LRRC53: variants seen among roughly 807,000 people sequenced by gnomAD.
The protein encoded by LRRC53 is leucine-rich repeat-containing protein 53.
Under a neutral mutation model 13.6 loss-of-function variants are expected in LRRC53, and 25 were observed. The observed-to-expected ratio is 1.83, with a 90% CI of 1.34 to 2.56. The LOEUF is 2.56. LRRC53 is among the 30% of genes most tolerant of loss of function. LRRC53 has a pLI of 0.00. For synonymous variants in LRRC53, 204 were observed against 109.8 expected, an observed-to-expected ratio of 1.86 and a Z score of -5.37; for missense variants, 527 against 275.8, an observed-to-expected ratio of 1.91 and a Z score of -6.45.
Position 74,475,438 on chromosome 1 carries a change from G to T in LRRC53, c.1277C>A (p.Ser426Ter). The change falls in exon 4 of 5, where the codon TCA (serine) becomes TAA (stop). Residue 426 changes from serine to a stop codon, truncating the protein, a stop_gained. Coordinates refer to ENST00000294635, the MANE Select transcript of LRRC53 (RefSeq NM_001382280.1). LOFTEE classifies it high-confidence loss of function. ...AGCTCTCATATTTCCAGGAGGCTCTGAACATTCCGAATGCAGCAATCTACC... is the reference window on the plus strand; with the variant it reads ...AGCTCTCATATTTCCAGGAGGCTCTTAACATTCCGAATGCAGCAATCTACC... The part of the protein sequence containing the change: ...QDGRLLHSEC[S>*]EPPGNMRAFN... 1 of 717,162 alleles carries T rather than the reference G, an allele frequency of 1.4e-6. No individual in the cohort carries two copies. The highest frequency in any genetic ancestry group is 1.5e-5 in the South Asian group (1 of 67,572). 44.4% of individuals were successfully genotyped at this position (717,162 alleles called of 1,614,324 possible).
Position 74,489,628 on chromosome 1 carries a change from C to T in LRRC53, c.-26-6253G>A, listed in dbSNP as rs45489693. On this transcript the variant is annotated intron_variant, in intron 1 of 4. Coordinates refer to ENST00000294635, the MANE Select transcript of LRRC53 (RefSeq NM_001382280.1). Reference sequence around the variant, plus strand: ...AGCCATTGTTCATTTACATTCAATGCGAAAAGAAAAATTATCAATAAAATA... The same window carrying T: ...AGCCATTGTTCATTTACATTCAATGTGAAAAGAAAAATTATCAATAAAATA... 5.3e-5 allele frequency among the ~76,000 whole-genome samples: 8 copies of T among 152,048 alleles called. 1 individual carries two copies. Among genetic ancestry groups the T allele is most frequent in the South Asian group, 2.1e-4 (1 of 4,806 alleles).
At chr1:74,511,045 G>A (rs184445808) in intron 1 of LRRC53, among the ~76,000 whole-genome samples, 18 of 151,660 alleles carry the variant, frequency 1.2e-4, no homozygotes, top group Non-Finnish European at 1.8e-4. Context: ...CTGCCACCAT[G>A]CCCAGCTAAT....
intron 1 of LRRC53, among the ~76,000 whole-genome samples, chr1:74,484,253 T>C (rs1668644519): frequency 6.6e-6 from 1 of 150,616 alleles, no homozygotes. Flanking sequence ...TAAAACCCTC[T>C]ACCTATATAA....
chr1:74,516,034 A>G (rs1646343125), upstream of LRRC53, among the ~76,000 whole-genome samples: 1 of 152,206 alleles, frequency 6.6e-6, no homozygotes, highest in Non-Finnish European at 1.5e-5. Flanking sequence ...CTAGAGGGGA[A>G]GGAAAGGACA....
chr1:74,528,619 G>C, the LRRC53 span, among the ~76,000 whole-genome samples: 3 of 152,204 alleles, frequency 2.0e-5, no homozygotes, highest in African/African-American at 7.2e-5. Context: ...TGAATATGGA[G>C]AGAATGAAAA....
chr1:74,506,671 C>T (rs192236261), intron 1 of LRRC53, among the ~76,000 whole-genome samples: 27 of 152,274 alleles, frequency 1.8e-4, no homozygotes, highest in Admixed American at 1.3e-3. Context: ...CCGGACCTGC[C>T]GAATCTGCAT....
intron 1 of LRRC53, among the ~76,000 whole-genome samples, chr1:74,488,797 A>G (rs1668893615): frequency 6.6e-6 from 1 of 152,208 alleles, no homozygotes; most frequent in African/African-American, 2.4e-5. Context: ...TTATAAATCT[A>G]GCCTTAGCAG....
chr1:74,485,227 G>C (rs979725945), intron 1 of LRRC53, among the ~76,000 whole-genome samples: 1 of 152,230 alleles, frequency 6.6e-6, no homozygotes, highest in South Asian at 2.1e-4. Flanking sequence ...TGTAGCTCTT[G>C]AGTTGGGCCT....
At chr1:74,493,402 T>A (rs1243491893) in intron 1 of LRRC53, among the ~76,000 whole-genome samples, 1 of 152,060 alleles carries the variant, frequency 6.6e-6, no homozygotes, top group Non-Finnish European at 1.5e-5. Flanking sequence ...ACAAAAAGAT[T>A]AAGCAAAAAG....
chr1:74,482,114 C>T (rs1036537679), intron 2 of LRRC53, among the ~76,000 whole-genome samples: 3 of 152,148 alleles, frequency 2.0e-5, no homozygotes, highest in African/African-American at 7.2e-5. Context: ...TTGTTTCTCT[C>T]ATCATTGTTT....
At chr1:74,496,478 G>C (rs1334046312) in intron 1 of LRRC53, among the ~76,000 whole-genome samples, 3 of 152,074 alleles carry the variant, frequency 2.0e-5, no homozygotes, top group Non-Finnish European at 4.4e-5. Context: ...TGGATGTGGG[G>C]ACACCTCAAC....
chr1:74,471,238 T>A lies in LRRC53; in HGVS notation c.2384A>T (p.Gln795Leu). The A allele has an allele frequency of 2.5e-6, 1 of 400,732 alleles. No individual in the cohort carries two copies. Among genetic ancestry groups the A allele is most frequent in the Non-Finnish European group, 4.4e-6 (1 of 226,194 alleles). The allele number at this position is 400,732 out of a possible 1,614,324, so 24.8% of individuals were successfully genotyped here. ...KRLPLKHDSK[Q>L]TPYYQRNTKR... Reference sequence around the variant, plus strand: ...AGTGTTTCGTTGATAATATGGGGTCTGCTTTGAGTCATGTTTCAGAGGCAG... The same window carrying A: ...AGTGTTTCGTTGATAATATGGGGTCAGCTTTGAGTCATGTTTCAGAGGCAG... Residue 795 changes from glutamine (Q) to leucine (L), a missense_variant, in exon 5 of 5, where the codon CAG becomes CTG. Coordinates refer to ENST00000294635, the MANE Select transcript of LRRC53 (RefSeq NM_001382280.1).
At chr1:74,509,941 A>G (rs887019625) in intron 1 of LRRC53, among the ~76,000 whole-genome samples, 6 of 151,290 alleles carry the variant, frequency 4.0e-5, no homozygotes, top group African/African-American at 1.5e-4. Flanking sequence ...TTTTGTAGAG[A>G]CAGGGTTTCA....
At chr1:74,486,561 T>G (rs544219914) in intron 1 of LRRC53, among the ~76,000 whole-genome samples, 1 of 147,930 alleles carries the variant, frequency 6.8e-6, no homozygotes, top group Non-Finnish European at 1.5e-5. Flanking sequence ...TTTACTGAAA[T>G]GGGAAAGGCT....
intron 3 of LRRC53, among the ~76,000 whole-genome samples, chr1:74,479,144 G>GTC (rs1040398986): frequency 6.6e-6 from 1 of 152,002 alleles, no homozygotes; most frequent in South Asian, 2.1e-4. Flanking sequence ...TTGGTCTCTG[G>GTC]TCTCTCTCTC....
At chr1:74,527,052 G>C in the LRRC53 span, among the ~76,000 whole-genome samples, 2 of 152,252 alleles carry the variant, frequency 1.3e-5, no homozygotes, top group Non-Finnish European at 2.9e-5. Flanking sequence ...TGCTCTAAAA[G>C]CATAAAAATC....
chr1:74,501,275 A>G (rs946873405), intron 1 of LRRC53, among the ~76,000 whole-genome samples: 3 of 151,988 alleles, frequency 2.0e-5, no homozygotes, highest in Non-Finnish European at 4.4e-5. Context: ...TGTTCATTGC[A>G]TTTCTAATTC....
chr1:74,534,813 G>A, the LRRC53 span, among the ~76,000 whole-genome samples: 2 of 152,052 alleles, frequency 1.3e-5, no homozygotes, highest in African/African-American at 4.8e-5. Context: ...AATCCTTAAC[G>A]ATGGGTTTAT....
At chr1:74,472,829 C>G (rs535729632) in intron 4 of LRRC53, among the ~76,000 whole-genome samples, 3 of 152,230 alleles carry the variant, frequency 2.0e-5, no homozygotes, top group Admixed American at 2.0e-4. Context: ...TAAAATGGTA[C>G]AGATTAATAT....
Sources: gnomAD v4.1 joint callset for allele counts (sites outside exome capture counted in the v4.1 genomes callset) on GRCh38, gnomAD v4.1.1 for gene constraint, MANE v1.5 for transcripts, NCBI Gene and HGNC (gene_info 2026-07-23, HGNC 2026-07-21) for gene names.